The following LRRC38 variants were observed in gnomAD, a reference collection of about 807,000 sequenced individuals.
LRRC38 encodes leucine-rich repeat-containing protein 38.
A neutral mutation model predicts 16.4 loss-of-function variants in LRRC38; 5 were observed. The ratio of observed to expected loss-of-function variants is 0.31; its 90% confidence interval spans 0.16 to 0.64. The LOEUF (loss-of-function observed/expected upper bound fraction) is 0.64, where lower values mean the gene tolerates loss of function less well. Among genes scored for constraint, LRRC38 ranks in the 30% least tolerant of loss-of-function variants. The pLI is 0.80. For synonymous variants in LRRC38, 191 were observed against 190.2 expected, an observed-to-expected ratio of 1.00 and a Z score of -0.04; for missense variants, 341 against 401.8, an observed-to-expected ratio of 0.85 and a Z score of 1.29.
intron 1 of LRRC38, among the ~76,000 whole-genome samples, chr1:13,506,331 A>C (rs1254796519): frequency 6.6e-6 from 1 of 152,180 alleles, no homozygotes; most frequent in African/African-American, 2.4e-5. Flanking sequence ...AAAGGGATGC[A>C]CTCGGCTGGG....
At chr1:13,481,788 C>CCT (rs1198744392) in intron 1 of LRRC38, among the ~76,000 whole-genome samples, 1,350 of 34,372 alleles carry the variant, frequency 0.039, 10 homozygotes, top group Non-Finnish European at 0.047. Flanking sequence ...TCCCTCTCTC[C>CCT]CTCTCTCTCT....
At chr1:13,477,356 T>A (rs1638801735) in intron 1 of LRRC38, among the ~76,000 whole-genome samples, 1 of 152,190 alleles carries the variant, frequency 6.6e-6, no homozygotes, top group African/African-American at 2.4e-5. Flanking sequence ...TAGCTTACAT[T>A]TTAGACAATA....
intron 1 of LRRC38, among the ~76,000 whole-genome samples, chr1:13,503,247 GTTTA>G (rs985646815): frequency 5.3e-5 from 8 of 152,176 alleles, no homozygotes; most frequent in Admixed American, 1.3e-4. Context: ...ACTCTAAATT[GTTTA>G]TTTATTTATT....
chr1:13,485,109 C>T (rs1259865700), intron 1 of LRRC38, among the ~76,000 whole-genome samples: 1 of 151,746 alleles, frequency 6.6e-6, no homozygotes. Context: ...GAAACCCCGT[C>T]TCTACCAAAA....
In LRRC38 at chr1:13,513,587, G is replaced by C; in HGVS notation, c.7C>G (p.Pro3Ala). 5.1e-6 allele frequency: 6 copies of C among 1,166,040 alleles called. No homozygotes were observed. Among genetic ancestry groups the C allele is most frequent in the Non-Finnish European group, 6.3e-6 (6 of 946,460 alleles). The allele number at this position is 1,166,040 out of a possible 1,614,324, so 72.2% of individuals were successfully genotyped here. A position where few individuals can be genotyped will look rare whatever the true frequency, so the allele number is the denominator to read the frequency against. ...GCGGCGGCGCAGGCTGGGGCTCGGGGGCGCATGGCCGGGGGGCCCGCGCCG... is the reference window on the plus strand; with the variant it reads ...GCGGCGGCGCAGGCTGGGGCTCGGGCGCGCATGGCCGGGGGGCCCGCGCCG... MR[P>A]RAPACAAAAL... Residue 3 changes from proline (P) to alanine (A), a missense_variant, in exon 1 of 2, where the codon CCC becomes GCC. By Grantham distance (27) the Pro-to-Ala change is conservative (BLOSUM62 -1). Coordinates refer to ENST00000376085, the MANE Select transcript of LRRC38 (RefSeq NM_001010847.2).
At chr1:13,503,679 T>C (rs1223362055) in intron 1 of LRRC38, among the ~76,000 whole-genome samples, 1 of 152,152 alleles carries the variant, frequency 6.6e-6, no homozygotes, top group Admixed American at 6.5e-5. Context: ...CTGCACTCCT[T>C]ACCTGGGAAA....
At chr1:13,484,759 C>G (rs1008190472) in intron 1 of LRRC38, among the ~76,000 whole-genome samples, 1 of 152,206 alleles carries the variant, frequency 6.6e-6, no homozygotes, top group Non-Finnish European at 1.5e-5. Context: ...TCACCATATG[C>G]CAGATATTCT....
chr1:13,479,743 C>T (rs189786848), intron 1 of LRRC38, among the ~76,000 whole-genome samples: 12 of 152,164 alleles, frequency 7.9e-5, no homozygotes, highest in Admixed American at 3.3e-4. Flanking sequence ...AAGAGTTGGA[C>T]GAAGAGAGTC....
intron 1 of LRRC38, among the ~76,000 whole-genome samples, chr1:13,491,452 G>T (rs879853619): frequency 1.3e-5 from 2 of 151,890 alleles, no homozygotes; most frequent in African/African-American, 4.8e-5. Flanking sequence ...TCAGTCTCCC[G>T]AGTGACTGGG....
At chr1:13,502,859 CTTCTGATGTAGATGATCAT>C (rs1639167013) in intron 1 of LRRC38, among the ~76,000 whole-genome samples, 2 of 152,228 alleles carry the variant, frequency 1.3e-5, no homozygotes, top group Admixed American at 6.5e-5. Flanking sequence ...TCAACTTTCA[CTTCTGATGTAGATGATCAT>C]TTCTGATGTA....
chr1:13,505,251 C>T (rs1054197375), intron 1 of LRRC38, among the ~76,000 whole-genome samples: 1 of 152,202 alleles, frequency 6.6e-6, no homozygotes, highest in African/African-American at 2.4e-5. Context: ...GCACCACTCC[C>T]GCAGCTGGGG....
chr1:13,493,166 G>A (rs951344286), intron 1 of LRRC38, among the ~76,000 whole-genome samples: 1 of 150,090 alleles, frequency 6.7e-6, no homozygotes, highest in Non-Finnish European at 1.5e-5. Flanking sequence ...AAATCAAGTT[G>A]CTTTTTTTTT....
intron 1 of LRRC38, among the ~76,000 whole-genome samples, chr1:13,493,031 A>G (rs1051816611): frequency 6.6e-6 from 1 of 152,332 alleles, no homozygotes; most frequent in Admixed American, 6.5e-5. Flanking sequence ...TGCGACAGTC[A>G]TTCCAGGGAT....
intron 1 of LRRC38, among the ~76,000 whole-genome samples, chr1:13,499,061 T>G (rs355049): frequency 0.52 from 78,996 of 151,988 alleles, 22,152 homozygotes; most frequent in Middle Eastern, 0.74. Flanking sequence ...CATACTGAGT[T>G]CAGGCTAACA....
In LRRC38 at chr1:13,487,973, A is replaced by G. The variant is rs925039825; in HGVS notation, c.632-11874T>C. Among the ~76,000 whole-genome samples the G allele has an allele frequency of 1.3e-5, 2 of 152,040 alleles. No individual in the cohort carries two copies. Among genetic ancestry groups the G allele is most frequent in the Non-Finnish European group, 2.9e-5 (2 of 67,994 alleles). On this transcript the variant is annotated intron_variant, in intron 1 of 1. Transcript: ENST00000376085. This position sits in a 1 kb window ranked among gnomAD's most constrained non-coding sequence, Gnocchi z 4.4. ...TGAGACAATAAAAATAATCAAAAAC[A>G]AGGGAGAATTAAAAAAAAAGTTAAC... is the stretch of plus-strand genomic sequence containing the variant.
chr1:13,513,051 C>T lies in LRRC38; in HGVS notation c.543G>A (p.Leu181=). Residue 181 remains leucine, a synonymous_variant, in exon 1 of 2, where the codon CTG becomes CTA. Transcript: ENST00000376085. The stretch of plus-strand genomic sequence containing the variant: ...ACAGCCAGGGGTTCCCGTCCAGACG[C>T]AGGGAGCGCAGCGCGGGCAGCGCGG... The part of the protein sequence containing the change: ...ALAALPALRS[L]RLDGNPWLCD... 1 of 1,550,172 alleles carries T rather than the reference C, an allele frequency of 6.5e-7. No homozygotes were observed. Among genetic ancestry groups the T allele is most frequent in the South Asian group, 1.2e-5 (1 of 84,006 alleles).
chr1:13,502,811 C>T (rs1038945959), intron 1 of LRRC38, among the ~76,000 whole-genome samples: 5 of 152,292 alleles, frequency 3.3e-5, no homozygotes, highest in East Asian at 1.9e-4. Context: ...TCCTGACCTT[C>T]GGCTCTAAGC....
At chr1:13,482,601 A>G (rs1330941896) in intron 1 of LRRC38, among the ~76,000 whole-genome samples, 3 of 151,322 alleles carry the variant, frequency 2.0e-5, no homozygotes, top group African/African-American at 2.4e-5. Flanking sequence ...AAAAAAAGAA[A>G]GTGCAACGCC....
At chr1:13,512,939 C>CCCAGCCCAG in intron 1 of LRRC38, 24 bp downstream of exon 1, 2 of 1,524,980 alleles carry the variant, frequency 1.3e-6, no homozygotes. Flanking sequence ...CCCTCCCTCC[C>CCCAGCCCAG]CCAGCCTAGC....
Sources: gnomAD v4.1 joint callset for allele counts (sites outside exome capture counted in the v4.1 genomes callset) on GRCh38, gnomAD v4.1.1 for gene constraint, Gnocchi (gnomAD v3.1) non-coding constraint, MANE v1.5 for transcripts, NCBI Gene and HGNC (gene_info 2026-07-23, HGNC 2026-07-21) for gene names.